TMEM68: variants seen among roughly 807,000 people sequenced by gnomAD.
The protein encoded by TMEM68 is transmembrane protein 68.
A neutral mutation model predicts 36.9 loss-of-function variants in TMEM68; 25 were observed. The ratio of observed to expected loss-of-function variants is 0.68; its 90% confidence interval spans 0.49 to 0.95. TMEM68 has a LOEUF of 0.95. Ranked by LOEUF, TMEM68 falls within the 40% of genes least tolerant of loss-of-function variation. TMEM68 has a pLI of 0.00. For missense variants in TMEM68, 333 were observed against 392.0 expected (o/e 0.85, Z 1.27); for synonymous variants, 131 against 124.4 (o/e 1.05, Z -0.35).
chr8:55,741,278 T>C (rs1280707680), intron 7 of TMEM68, among the ~76,000 whole-genome samples: 1 of 152,158 alleles, frequency 6.6e-6, no homozygotes, highest in Non-Finnish European at 1.5e-5. Flanking sequence ...ACAGTTTTCA[T>C]ACCTGTAAAA....
At chr8:55,749,924 T>C (rs957079715) in intron 5 of TMEM68, among the ~76,000 whole-genome samples, 1 of 152,064 alleles carries the variant, frequency 6.6e-6, no homozygotes, top group Non-Finnish European at 1.5e-5. Context: ...TTAGAAAGAG[T>C]TATTTTCTCT....
rs190200395 is a variant in TMEM68 at position 55,768,872 on chromosome 8, C to T, written c.-115+4397G>A. On this transcript the variant is annotated intron_variant, in intron 1 of 7. Coordinates refer to ENST00000434581, the MANE Select transcript of TMEM68 (RefSeq NM_001286657.2). ...AAAGAAAAAAAAATTAAAAATTAGCCGGGCATGGTGACATGTACCAATGAT... is the reference window on the plus strand; with the variant it reads ...AAAGAAAAAAAAATTAAAAATTAGCTGGGCATGGTGACATGTACCAATGAT... 3.0e-3 allele frequency among the ~76,000 whole-genome samples: 458 copies of T among 151,282 alleles called. 4 individuals carry two copies. Among genetic ancestry groups the T allele is most frequent in the African/African-American group, 9.5e-3 (394 of 41,290 alleles).
chr8:55,750,921 T>A, intron 5 of TMEM68, 43 bp downstream of exon 5: 3 of 1,568,614 alleles, frequency 1.9e-6, no homozygotes, highest in Non-Finnish European at 1.7e-6. Flanking sequence ...TTATTTTAAA[T>A]TTGACTAAGC....
chr8:55,768,772 G>A (rs1811054655), intron 1 of TMEM68, among the ~76,000 whole-genome samples: 1 of 151,970 alleles, frequency 6.6e-6, no homozygotes, highest in African/African-American at 2.4e-5. Context: ...CTTGAACCCA[G>A]GAGGTGGAGA....
intron 7 of TMEM68, among the ~76,000 whole-genome samples, chr8:55,742,004 C>T (rs750247947): frequency 6.6e-6 from 1 of 151,934 alleles, no homozygotes; most frequent in Admixed American, 6.6e-5. Flanking sequence ...TGCATTGAGT[C>T]GAGACTGCAC....
intron 1 of TMEM68, among the ~76,000 whole-genome samples, chr8:55,772,108 C>T (rs761747821): frequency 7.2e-5 from 11 of 152,166 alleles, no homozygotes; most frequent in Non-Finnish European, 1.5e-4. Context: ...TGTAACCGTG[C>T]AGCACTCTTA....
intron 5 of TMEM68, 55 bp from the exon 6 acceptor site, chr8:55,745,176 CT>C: frequency 8.1e-7 from 1 of 1,234,594 alleles, no homozygotes; most frequent in Non-Finnish European, 1.1e-6. Context: ...CATTCAATGT[CT>C]CCATTAGAGT....
intron 3 of TMEM68, among the ~76,000 whole-genome samples, chr8:55,758,960 T>C (rs1467399065): frequency 6.6e-6 from 1 of 152,232 alleles, no homozygotes; most frequent in African/African-American, 2.4e-5. Flanking sequence ...AAAGATTTGA[T>C]ATTAGTAACA....
intron 7 of TMEM68, among the ~76,000 whole-genome samples, chr8:55,741,710 GA>G (rs890396055): frequency 9.2e-5 from 14 of 152,136 alleles, no homozygotes; most frequent in Admixed American, 7.9e-4. Context: ...AGCATGAGAA[GA>G]AAAGAGTCCA....
chr8:55,764,835 G>A (rs1452875139), intron 1 of TMEM68, among the ~76,000 whole-genome samples: 2 of 152,188 alleles, frequency 1.3e-5, no homozygotes, highest in Non-Finnish European at 2.9e-5. Flanking sequence ...CACTTTGGGA[G>A]GCCAAGGCAG....
At chr8:55,771,490 G>A (rs1811161933) in intron 1 of TMEM68, among the ~76,000 whole-genome samples, 1 of 151,966 alleles carries the variant, frequency 6.6e-6, no homozygotes, top group Non-Finnish European at 1.5e-5. Context: ...ATGGTGGCAT[G>A]CCTGTAGCCC....
rs770863155 is a variant in TMEM68 at position 55,762,828 on chromosome 8, G to A, written c.132C>T (p.Leu44=). The A allele has an allele frequency of 6.2e-7, 1 of 1,614,160 alleles. No individual in the cohort carries two copies. Among genetic ancestry groups the A allele is most frequent in the South Asian group, 1.1e-5 (1 of 91,086 alleles). Residue 44 remains leucine (L), a synonymous_variant, in exon 3 of 8, where the codon CTC becomes CTT. Transcript: ENST00000434581. ...GTATTAGTGGTGTAAAAACCCACAA[G>A]AGATAGTTTGCAAAATTCAAATAGT... ...LEDYLNFANY[L]LWVFTPLILL...
intron 5 of TMEM68, 55 bp from the exon 6 acceptor site, chr8:55,745,176 C>T (rs997156896): frequency 6.5e-6 from 8 of 1,234,480 alleles, no homozygotes; most frequent in Non-Finnish European, 8.7e-6. Flanking sequence ...CATTCAATGT[C>T]TCCATTAGAG....
chr8:55,758,731 A>G (rs980015978), intron 3 of TMEM68, among the ~76,000 whole-genome samples: 2 of 152,218 alleles, frequency 1.3e-5, no homozygotes, highest in African/African-American at 4.8e-5. Flanking sequence ...GCTTGAGCCC[A>G]GAAGTTGAAA....
chr8:55,767,251 TATC>T (rs1810999601), intron 1 of TMEM68, among the ~76,000 whole-genome samples: 1 of 152,358 alleles, frequency 6.6e-6, no homozygotes, highest in African/African-American at 2.4e-5. Context: ...TAACTATTGC[TATC>T]ATCATTATTA....
chr8:55,755,348 C>T (rs991140339), intron 4 of TMEM68, among the ~76,000 whole-genome samples: 1 of 150,942 alleles, frequency 6.6e-6, no homozygotes, highest in African/African-American at 2.4e-5. Context: ...CTCACTGTAA[C>T]CTCTGCCTTC....
chr8:55,762,885 G>A lies in TMEM68; in HGVS notation c.75C>T (p.Leu25=), dbSNP rs748081179. 14 of 1,613,984 alleles carry A rather than the reference G, an allele frequency of 8.7e-6. No homozygotes were observed. The highest frequency in any genetic ancestry group is 2.2e-5 in the East Asian group (1 of 44,888). ...ACTGCTCCACACCAAACCATTCTTCGAGTATGTGAATCAGACAAATCATAT... is the reference window on the plus strand; with the variant it reads ...ACTGCTCCACACCAAACCATTCTTCAAGTATGTGAATCAGACAAATCATAT... ...VPYMICLIHI[L]EEWFGVEQLE... is the part of the protein sequence containing the mutation. Residue 25 remains leucine, a synonymous_variant, in exon 3 of 8, where the codon CTC becomes CTT. Transcript: ENST00000434581.
chr8:55,764,070 TAA>T (rs1477128620), intron 1 of TMEM68, 90 bp from the exon 2 acceptor site: 1 of 152,144 alleles, frequency 6.6e-6, no homozygotes. Context: ...TTCTATAAAA[TAA>T]ACAGCAAGAG....
At chr8:55,769,322 C>CAAA (rs56065552) in intron 1 of TMEM68, among the ~76,000 whole-genome samples, 5 of 71,600 alleles carry the variant, frequency 7.0e-5, no homozygotes, top group Admixed American at 6.9e-4. Context: ...AATCCCATCT[C>CAAA]AAAAAAAAAA....
Sources: gnomAD v4.1 joint callset for allele counts (sites outside exome capture counted in the v4.1 genomes callset) on GRCh38, gnomAD v4.1.1 for gene constraint, MANE v1.5 for transcripts, NCBI Gene and HGNC (gene_info 2026-07-23, HGNC 2026-07-21) for gene names.